AP2B1: variants seen among roughly 807,000 people sequenced by gnomAD.
The protein encoded by AP2B1 is AP-2 complex subunit beta.
Under a neutral mutation model 102.0 loss-of-function variants are expected in AP2B1, and 23 were observed. The observed-to-expected ratio is 0.23, with a 90% CI of 0.16 to 0.32. The LOEUF (loss-of-function observed/expected upper bound fraction) is 0.32. Ranked by LOEUF, AP2B1 falls within the 10% of genes least tolerant of loss-of-function variation. The pLI is 1.00. For missense variants in AP2B1, 541 were observed against 1,157.4 expected (o/e 0.47, Z 7.73); for synonymous variants, 381 against 421.2 (o/e 0.90, Z 1.17).
chr17:35,675,588 C>G (rs987861880), intron 17 of AP2B1, among the ~76,000 whole-genome samples: 2 of 150,014 alleles, frequency 1.3e-5, no homozygotes, highest in African/African-American at 4.9e-5. Context: ...TAAAGGAAAT[C>G]TGCAGATGCA....
At chr17:35,686,974 C>G (rs1159515330) in intron 18 of AP2B1, among the ~76,000 whole-genome samples, 1 of 152,150 alleles carries the variant, frequency 6.6e-6, no homozygotes, top group African/African-American at 2.4e-5. Context: ...GAGACTCCGT[C>G]TCAAAAAGAA....
At chr17:35,694,611 C>T (rs1330214746) in intron 18 of AP2B1, among the ~76,000 whole-genome samples, 4 of 152,000 alleles carry the variant, frequency 2.6e-5, no homozygotes, top group Non-Finnish European at 5.9e-5. Context: ...CGCCATGGCT[C>T]ACACCTGTAA....
chr17:35,641,536 C>T (rs1287771356), intron 11 of AP2B1, among the ~76,000 whole-genome samples: 1 of 152,100 alleles, frequency 6.6e-6, no homozygotes, highest in Non-Finnish European at 1.5e-5. Flanking sequence ...TATGGATGTG[C>T]AGCCTGGGCA....
At chr17:35,603,293 A>G (rs79828007) in intron 3 of AP2B1, among the ~76,000 whole-genome samples, 4,054 of 152,298 alleles carry the variant, frequency 0.027, 78 homozygotes, top group Middle Eastern at 0.054. Context: ...TTAAAAATGT[A>G]TAAGGTACTT....
chr17:35,672,835 A>G (rs2075617356), intron 16 of AP2B1, among the ~76,000 whole-genome samples: 1 of 152,234 alleles, frequency 6.6e-6, no homozygotes, highest in South Asian at 2.1e-4. Flanking sequence ...AAATGTAAGA[A>G]GGAAAATTGT....
chr17:35,708,760 T>A (rs1377888127), intron 18 of AP2B1, among the ~76,000 whole-genome samples: 2 of 151,938 alleles, frequency 1.3e-5, no homozygotes, highest in Non-Finnish European at 2.9e-5. Context: ...GAATCGTAAT[T>A]CTTCTGTGTA....
chr17:35,689,422 C>T (rs1270082497), intron 18 of AP2B1, among the ~76,000 whole-genome samples: 2 of 152,136 alleles, frequency 1.3e-5, no homozygotes, highest in Non-Finnish European at 2.9e-5. Context: ...TTGGGTGATC[C>T]GCCCTTGTGG....
intron 12 of AP2B1, among the ~76,000 whole-genome samples, chr17:35,647,501 A>G (rs924204979): frequency 6.6e-6 from 1 of 152,162 alleles, no homozygotes; most frequent in Non-Finnish European, 1.5e-5. Context: ...TAAGACATTC[A>G]TATGTATACA....
intron 21 of AP2B1, among the ~76,000 whole-genome samples, chr17:35,720,559 ATATATATATATATATTTTTTT>A (rs1248819179): frequency 2.9e-4 from 14 of 48,502 alleles, no homozygotes; most frequent in African/African-American, 1.0e-3. Context: ...ATATATATAT[ATATATATATATATATTTTTTT>A]TTTTTTTTTT....
intron 14 of AP2B1, among the ~76,000 whole-genome samples, chr17:35,661,296 G>A (rs1052657730): frequency 1.3e-5 from 2 of 152,146 alleles, no homozygotes; most frequent in African/African-American, 4.8e-5. Context: ...ACCTCTGGGA[G>A]GCAGGACCTA....
chr17:35,723,763 A>C lies in AP2B1; in HGVS notation c.*64A>C. ...GTGCAAGTCAAGAACTCTTAACTGG[A>C]AGAAATTGTATTGCTGCGTAGAATC... On this transcript the variant is annotated 3_prime_UTR_variant, in exon 22 of 22. Transcript: ENST00000610402. The C allele has an allele frequency of 8.3e-7, 1 of 1,205,318 alleles. No homozygotes were observed. Among genetic ancestry groups the C allele is most frequent in the South Asian group, 1.2e-5 (1 of 82,094 alleles). 74.7% of individuals were successfully genotyped at this position (1,205,318 alleles called of 1,614,324 possible).
At position 35,657,634 on chromosome 17, in the gene AP2B1, C is replaced by G; in HGVS notation, c.1832C>G (p.Thr611Ser). Residue 611 changes from threonine to serine, a missense_variant, in exon 14 of 22, where the codon ACT becomes AGT. By Grantham distance (58) the Thr-to-Ser change is moderately conservative. Transcript: ENST00000610402. ...GGTGACAGCCCTGTTGGCACTACCA[C>G]TGCAACGAACCTGGAACAGCCTCAG... Reference protein sequence around the residue: ...DAGDSPVGTTTATNLEQPQVI... With the variant: ...DAGDSPVGTTSATNLEQPQVI... The G allele has an allele frequency of 6.2e-7, 1 of 1,614,022 alleles. No homozygotes were observed.
intron 3 of AP2B1, among the ~76,000 whole-genome samples, chr17:35,599,805 G>A (rs1321334244): frequency 6.6e-6 from 1 of 152,110 alleles, no homozygotes; most frequent in Admixed American, 6.5e-5. Flanking sequence ...AGCTACTCTA[G>A]AGGCTGAGGC....
chr17:35,636,295 T>A, intron 9 of AP2B1, 46 bp from the exon 10 acceptor site: 1 of 1,374,762 alleles, frequency 7.3e-7, no homozygotes, highest in Non-Finnish European at 1.0e-6. Flanking sequence ...GGTGGTGTTA[T>A]CGCATAGATC....
At chr17:35,674,991 C>T (rs748054959) in intron 17 of AP2B1, among the ~76,000 whole-genome samples, 122 of 152,138 alleles carry the variant, frequency 8.0e-4, no homozygotes, top group Admixed American at 2.1e-3. Context: ...GAGTAGTGAA[C>T]CAAACAAAGC....
intron 18 of AP2B1, among the ~76,000 whole-genome samples, chr17:35,705,317 A>T (rs2076319299): frequency 6.6e-6 from 1 of 152,178 alleles, no homozygotes; most frequent in Non-Finnish European, 1.5e-5. Context: ...AAGAGATGAC[A>T]ATTTACCAAG....
chr17:35,700,474 G>A (rs2076220073), intron 18 of AP2B1, among the ~76,000 whole-genome samples: 1 of 152,060 alleles, frequency 6.6e-6, no homozygotes, highest in African/African-American at 2.4e-5. Flanking sequence ...ATGTGGAAAG[G>A]TCACAAGTGA....
intron 16 of AP2B1, 105 bp from the exon 17 acceptor site, chr17:35,674,071 T>G: frequency 8.6e-7 from 1 of 1,157,652 alleles, no homozygotes. Context: ...GGAAGTGAAT[T>G]TGTTCACTTA....
intron 9 of AP2B1, among the ~76,000 whole-genome samples, chr17:35,630,377 G>A (rs1022801505): frequency 1.3e-5 from 2 of 152,110 alleles, no homozygotes; most frequent in African/African-American, 2.4e-5. Flanking sequence ...GTCACCACAC[G>A]TCACAACTTG....
Sources: gnomAD v4.1 joint callset for allele counts (sites outside exome capture counted in the v4.1 genomes callset) on GRCh38, gnomAD v4.1.1 for gene constraint, MANE v1.5 for transcripts, NCBI Gene and HGNC (gene_info 2026-07-23, HGNC 2026-07-21) for gene names.